Variants in MBTPS1 observed in about 807,000 individuals in gnomAD.
MBTPS1 encodes the protein membrane bound transcription factor peptidase, site 1.
MBTPS1 carries 94 observed loss-of-function variants against 127.8 expected under a neutral mutation model. The observed-to-expected ratio is 0.74, with a 90% CI of 0.62 to 0.87. The LOEUF is 0.87. MBTPS1 is among the 40% of genes least tolerant of loss of function. MBTPS1 has a pLI of 0.00. For missense variants in MBTPS1, 1,636 were observed against 1,353.2 expected (o/e 1.21, Z -3.28); for synonymous variants, 632 against 509.4 (o/e 1.24, Z -3.24).
At chr16:84,094,536 C>T (rs951528425) in intron 4 of MBTPS1, among the ~76,000 whole-genome samples, 1 of 152,134 alleles carries the variant, frequency 6.6e-6, no homozygotes, top group African/African-American at 2.4e-5. Flanking sequence ...ATACAGAATA[C>T]CTATATGACT....
chr16:84,069,834 G>C, intron 14 of MBTPS1, 32 bp downstream of exon 14: 1 of 1,590,680 alleles, frequency 6.3e-7, no homozygotes, highest in Non-Finnish European at 8.6e-7. Flanking sequence ...ACGGAGGCTG[G>C]GGAGGTGAAG....
chr16:84,111,707 G>C (rs901784666), intron 1 of MBTPS1, among the ~76,000 whole-genome samples: 1 of 152,188 alleles, frequency 6.6e-6, no homozygotes, highest in Non-Finnish European at 1.5e-5. Context: ...TTTGACTTGA[G>C]CTCAGTGAGG....
Position 84,068,344 on chromosome 16 carries a change from T to G in MBTPS1, c.2066A>C (p.Gln689Pro), listed in dbSNP as rs1249619275. 6.2e-7 allele frequency: 1 copy of G among 1,607,570 alleles called. No individual in the cohort carries two copies. The highest frequency in any genetic ancestry group is 8.5e-7 in the Non-Finnish European group (1 of 1,174,174). The change falls in exon 15 of 23, where the codon CAG becomes CCG. Residue 689 changes from glutamine to proline, a missense_variant. By Grantham distance (76) the Gln-to-Pro change is moderately conservative (BLOSUM62 -1). Transcript: ENST00000343411. ...AGCACAGCAGTGCCACTTACCATAC[T>G]GACTGGCATCAAAACACGTGAAGGG... ...GAPFTCFDAS[Q>P]YGTLLMVDSE...
At chr16:84,072,732 G>C (rs961984954) in intron 12 of MBTPS1, among the ~76,000 whole-genome samples, 1 of 152,188 alleles carries the variant, frequency 6.6e-6, no homozygotes, top group African/African-American at 2.4e-5. Flanking sequence ...GGAGCTTGCA[G>C]TGAGCCGAGA....
At chr16:84,107,623 C>G (rs995852083) in intron 1 of MBTPS1, among the ~76,000 whole-genome samples, 2 of 151,862 alleles carry the variant, frequency 1.3e-5, no homozygotes, top group Non-Finnish European at 2.9e-5. Context: ...AATGCCATAA[C>G]GGGGGCAAGA....
At chr16:84,062,621 C>G (rs900441831) in intron 19 of MBTPS1, among the ~76,000 whole-genome samples, 4 of 152,172 alleles carry the variant, frequency 2.6e-5, no homozygotes, top group Non-Finnish European at 2.9e-5. Context: ...CCTTTCAGTC[C>G]TGGTGTCATT....
At chr16:84,059,261 A>G (rs1158616011) in intron 21 of MBTPS1, 41 bp downstream of exon 21, 1 of 1,583,372 alleles carries the variant, frequency 6.3e-7, no homozygotes, top group Admixed American at 1.8e-5. Flanking sequence ...ATGACTCACA[A>G]GCCCCGTGGA....
Position 84,081,796 on chromosome 16 carries a change from C to G in MBTPS1, c.1399G>C (p.Asp467His). 4 of 1,522,478 alleles carry G rather than the reference C, an allele frequency of 2.6e-6. No individual in the cohort carries two copies. Among genetic ancestry groups the G allele is most frequent in the Non-Finnish European group, 3.5e-6 (4 of 1,133,002 alleles). 94.3% of individuals were successfully genotyped at this position (1,522,478 alleles called of 1,614,324 possible). ...NMFEQGHGKL[D>H]LLRAYQILNS... is the part of the protein sequence containing the mutation. ...AGGATCTGATAGGCTCTGAGCAGAT[C>G]GAGCTTGCCGTGGCCTTGCTCAAAC... Residue 467 changes from aspartate (D) to histidine (H), a missense_variant, in exon 11 of 23, where the codon GAT (aspartate) becomes CAT (histidine). Physicochemically the swap from Asp to His is moderately conservative, Grantham distance 81 (BLOSUM62 -1). Transcript: ENST00000343411.
rs149408696 is a variant in MBTPS1 at position 84,066,253 on chromosome 16, G to T, written c.2353+236C>A. ...TTCCTATTTGGGACTACTACATAAA[G>T]ACTCTAATAGGTGGCACTAAAATTA... is the stretch of plus-strand genomic sequence containing the variant. On this transcript the variant is annotated intron_variant, in intron 17 of 22. Transcript: ENST00000343411. Among the ~76,000 whole-genome samples the T allele has an allele frequency of 5.4e-4, 82 of 152,286 alleles. No homozygotes were observed. In the East Asian group the frequency reaches 0.015, roughly 28 times the overall value.
rs749364178 is a variant in MBTPS1, at chr16:84,101,674, C to T, written c.110G>A (p.Gly37Asp). 5.0e-6 allele frequency: 8 copies of T among 1,613,992 alleles called. No homozygotes were observed. Among genetic ancestry groups the T allele is most frequent in the African/African-American group, 1.3e-5 (1 of 74,912 alleles). The stretch of plus-strand genomic sequence containing the variant: ...CACCTTCAAAGTCAGGTGGGAACAG[C>T]CAGGGCATGGGGCCTTTTCAAAAGA... Reference protein sequence around the residue: ...KKSFEKAPCPGCSHLTLKVEF... With the variant: ...KKSFEKAPCPDCSHLTLKVEF... Residue 37 changes from glycine (G) to aspartate (D), a missense_variant, in exon 2 of 23, where the codon GGC becomes GAC. By Grantham distance (94) the Gly-to-Asp change is moderately conservative. Coordinates refer to ENST00000343411, the MANE Select transcript of MBTPS1 (RefSeq NM_003791.4).
At chr16:84,095,211 C>T (rs375374081) in intron 4 of MBTPS1, among the ~76,000 whole-genome samples, 3 of 152,228 alleles carry the variant, frequency 2.0e-5, no homozygotes, top group African/African-American at 7.2e-5. Context: ...GACCATCTTT[C>T]CCCAAGAAGT....
intron 17 of MBTPS1, 148 bp from the exon 18 acceptor site, chr16:84,065,915 T>A: frequency 1.9e-6 from 1 of 523,480 alleles, no homozygotes. Context: ...GCTATTGCCT[T>A]GTCACACATA....
intron 3 of MBTPS1, among the ~76,000 whole-genome samples, chr16:84,097,178 G>A (rs1284014413): frequency 6.6e-6 from 1 of 152,174 alleles, no homozygotes; most frequent in East Asian, 1.9e-4. Flanking sequence ...TGGCCCATGG[G>A]ATAGAACCAA....
At chr16:84,063,056 A>C (rs1037805093) in intron 19 of MBTPS1, among the ~76,000 whole-genome samples, 3 of 152,268 alleles carry the variant, frequency 2.0e-5, no homozygotes, top group African/African-American at 7.2e-5. Flanking sequence ...GGCCTCAGGA[A>C]GGTGAAGATG....
At chr16:84,055,932 G>GGGGGA in intron 22 of MBTPS1, 73 bp downstream of exon 22, 1 of 1,393,494 alleles carries the variant, frequency 7.2e-7, no homozygotes, top group South Asian at 1.3e-5. Context: ...CCCGCCTCCT[G>GGGGGA]GGGAGGGAGG....
chr16:84,097,170 G>T (rs1052142204), intron 3 of MBTPS1, among the ~76,000 whole-genome samples: 3 of 152,120 alleles, frequency 2.0e-5, no homozygotes, highest in Non-Finnish European at 4.4e-5. Flanking sequence ...TTGTCTTATG[G>T]CCCATGGGAT....
At chr16:84,092,558 A>G (rs2086124141) in intron 6 of MBTPS1, among the ~76,000 whole-genome samples, 1 of 152,228 alleles carries the variant, frequency 6.6e-6, no homozygotes, top group Non-Finnish European at 1.5e-5. Flanking sequence ...GCCAGTGAGG[A>G]AAGAACCTGC....
intron 11 of MBTPS1, among the ~76,000 whole-genome samples, chr16:84,076,484 G>T (rs999409775): frequency 6.6e-6 from 1 of 152,154 alleles, no homozygotes; most frequent in Non-Finnish European, 1.5e-5. Context: ...TTAAGAATTG[G>T]CAAGGAAGAT....
chr16:84,105,479 G>A (rs954022778), intron 1 of MBTPS1, among the ~76,000 whole-genome samples: 3 of 152,116 alleles, frequency 2.0e-5, no homozygotes, highest in Non-Finnish European at 4.4e-5. Context: ...CTTCTGCTGG[G>A]GAGGGGGCAC....
Sources: gnomAD v4.1 joint callset for allele counts (sites outside exome capture counted in the v4.1 genomes callset) on GRCh38, gnomAD v4.1.1 for gene constraint, MANE v1.5 for transcripts, NCBI Gene and HGNC (gene_info 2026-07-23, HGNC 2026-07-21) for gene names.